Variants in WDR26 observed in about 807,000 individuals in gnomAD.
WDR26 encodes the protein WD repeat-containing protein 26.
WDR26 carries 5 observed loss-of-function variants against 84.1 expected under a neutral mutation model. The ratio of observed to expected loss-of-function variants is 0.06; its 90% CI spans 0.03 to 0.13. The LOEUF is 0.13. Among genes scored for constraint, WDR26 ranks in the 10% least tolerant of loss-of-function variants. The pLI is 1.00. For synonymous variants in WDR26, 415 were observed against 389.6 expected (o/e 1.07, Z -0.77); for missense variants, 642 against 974.9 (o/e 0.66, Z 4.55).
intron 3 of WDR26, chr1:224,430,288 A>ATT (rs1269632189): frequency 6.6e-6 from 1 of 152,138 alleles, no homozygotes; most frequent in East Asian, 1.9e-4. Context: ...AAGTTAACTT[A>ATT]TTACCAATCA....
intron 7 of WDR26, 36 bp from the exon 8 acceptor site, chr1:224,404,606 T>A (rs201524900): frequency 1.1e-5 from 18 of 1,570,452 alleles, no homozygotes; most frequent in Non-Finnish European, 1.6e-5. Context: ...TTAACCCCTA[T>A]CACTAAAGTC....
rs972629906 is a variant in WDR26 at position 224,419,632 on chromosome 1, G to A, written c.1065-17C>T. On this transcript the variant is annotated splice_polypyrimidine_tract_variant and intron_variant, in intron 4 of 13. Coordinates refer to ENST00000414423, the MANE Select transcript of WDR26 (RefSeq NM_001379403.1). ...ATCAGATACCTAAAAATACAACAGAGAAAGCAACCAATATTAAACCCATTT... is the reference window on the plus strand; with the variant it reads ...ATCAGATACCTAAAAATACAACAGAAAAAGCAACCAATATTAAACCCATTT... 3.2e-6 allele frequency: 5 copies of A among 1,585,534 alleles called. No individual in the cohort carries two copies. Among genetic ancestry groups the A allele is most frequent in the African/African-American group, 1.3e-5 (1 of 74,292 alleles).
In WDR26 at chr1:224,434,575, C is replaced by A. The variant is rs1214473474; in HGVS notation, c.-170G>T. The stretch of plus-strand genomic sequence containing the variant: ...AGAAGGAGGATCCGGGCCCTTTCCC[C>A]CCCCCCTCCCGGAGGCAGCTCGGGG... On this transcript the variant is annotated 5_prime_UTR_variant, in exon 1 of 14. Coordinates refer to ENST00000414423, the MANE Select transcript of WDR26 (RefSeq NM_001379403.1). 2.1e-6 allele frequency: 1 copy of A among 471,184 alleles called. No individual in the cohort carries two copies. Among genetic ancestry groups the A allele is most frequent in the Non-Finnish European group, 2.8e-6 (1 of 363,518 alleles). The allele number at this position is 471,184 out of a possible 1,614,324, so 29.2% of individuals were successfully genotyped here.
intron 8 of WDR26, 77 bp downstream of exon 8, chr1:224,404,353 T>C: frequency 6.7e-7 from 1 of 1,493,476 alleles, no homozygotes; most frequent in Non-Finnish European, 9.0e-7. Flanking sequence ...ATTATATAAA[T>C]CAATAAAGTT....
intron 7 of WDR26, among the ~76,000 whole-genome samples, chr1:224,409,042 G>A (rs1673659383): frequency 6.6e-6 from 1 of 152,094 alleles, no homozygotes; most frequent in Non-Finnish European, 1.5e-5. Context: ...GGGTATATTA[G>A]TAATTACACA....
intron 12 of WDR26, among the ~76,000 whole-genome samples, chr1:224,395,307 G>A (rs1371710428): frequency 6.6e-6 from 1 of 152,160 alleles, no homozygotes; most frequent in Admixed American, 6.5e-5. Context: ...TGAACAGAGG[G>A]CAGAATCCCA....
chr1:224,424,461 A>T (rs973212834), intron 4 of WDR26, 57 bp downstream of exon 4: 1 of 1,575,804 alleles, frequency 6.3e-7, no homozygotes, highest in Non-Finnish European at 8.6e-7. Flanking sequence ...GAAAAATGTT[A>T]AAGAAATATA....
intron 7 of WDR26, 132 bp from the exon 8 acceptor site, chr1:224,404,702 T>G: frequency 9.3e-7 from 1 of 1,075,708 alleles, no homozygotes; most frequent in South Asian, 1.7e-5. Context: ...CAATTTTCCC[T>G]TTAACAGCTT....
intron 9 of WDR26, 79 bp downstream of exon 9, chr1:224,400,871 G>A (rs1177361930): frequency 1.8e-5 from 28 of 1,560,480 alleles, no homozygotes; most frequent in East Asian, 6.8e-5. Flanking sequence ...GTAAGATACT[G>A]AGTCAAGGAA....
chr1:224,419,399 T>A, intron 5 of WDR26, 119 bp downstream of exon 5: 1 of 783,346 alleles, frequency 1.3e-6, no homozygotes, highest in Non-Finnish European at 2.1e-6. Flanking sequence ...GGATTCTCCC[T>A]CTTCTAAGCA....
At chr1:224,431,862 C>A in intron 1 of WDR26, 81 bp from the exon 2 acceptor site, 1 of 1,158,548 alleles carries the variant, frequency 8.6e-7, no homozygotes. Context: ...TCCATGAAAA[C>A]AGATGCAAAG....
At position 224,418,291 on chromosome 1, in the gene WDR26, C is replaced by A; in HGVS notation, c.1288G>T (p.Val430Leu). The change falls in exon 6 of 14, where the codon GTG (valine) becomes TTG (leucine). Residue 430 changes from valine to leucine, a missense_variant. Around this residue, in one of 2 missense-constraint regions of WDR26, gnomAD observed 351 missense variants for 672.8 expected, o/e 0.52. Coordinates refer to ENST00000414423, the MANE Select transcript of WDR26 (RefSeq NM_001379403.1). ...CAAACATGGTCTATAAGCAGAGACA[C>A]AGAATCTAGATTATTATCAAGTTTG... is the stretch of plus-strand genomic sequence containing the variant. 6.2e-7 allele frequency: 1 copy of A among 1,612,512 alleles called. No homozygotes were observed. Among genetic ancestry groups the A allele is most frequent in the Non-Finnish European group, 8.5e-7 (1 of 1,179,374 alleles).
chr1:224,395,778 G>A (rs1673244013), intron 12 of WDR26, among the ~76,000 whole-genome samples: 1 of 152,132 alleles, frequency 6.6e-6, no homozygotes, highest in African/African-American at 2.4e-5. Flanking sequence ...GTGAAAGGCA[G>A]GAAAAACCGG....
At chr1:224,400,592 C>A (rs1397558228) in intron 9 of WDR26, among the ~76,000 whole-genome samples, 1 of 152,174 alleles carries the variant, frequency 6.6e-6, no homozygotes, top group Non-Finnish European at 1.5e-5. Context: ...GTTGCCCAGG[C>A]TGGAGTGCAA....
intron 13 of WDR26, 103 bp downstream of exon 13, chr1:224,393,725 T>C (rs1673185542): frequency 2.1e-6 from 2 of 974,638 alleles, no homozygotes; most frequent in Non-Finnish European, 2.9e-6. Context: ...AGAAATCATA[T>C]ACCACACTTT....
intron 6 of WDR26, among the ~76,000 whole-genome samples, chr1:224,414,867 A>C (rs10916614): frequency 0.69 from 104,508 of 151,948 alleles, 38,387 homozygotes; most frequent in East Asian, 0.99. Flanking sequence ...CAAAGCAAAA[A>C]AGTTTTTTTT....
chr1:224,434,293 C>G lies in WDR26; in HGVS notation c.113G>C (p.Gly38Ala). Reference sequence around the variant, plus strand: ...TGCCGAAGCCCCGGGCTCTCCTACTCCCTCCGCCGCCGAGGCTCGGGGTTT... The same window carrying G: ...TGCCGAAGCCCCGGGCTCTCCTACTGCCTCCGCCGCCGAGGCTCGGGGTTT... The change falls in exon 1 of 14, where the codon GGA (glycine) becomes GCA (alanine). Residue 38 changes from glycine to alanine, a missense_variant. Coordinates refer to ENST00000414423, the MANE Select transcript of WDR26 (RefSeq NM_001379403.1). 8.1e-7 allele frequency: 1 copy of G among 1,237,776 alleles called. No individual in the cohort carries two copies. Among genetic ancestry groups the G allele is most frequent in the Non-Finnish European group, 1.0e-6 (1 of 991,326 alleles). The allele number at this position is 1,237,776 out of a possible 1,614,324, so 76.7% of individuals were successfully genotyped here. A position where few individuals can be genotyped will look rare whatever the true frequency, so the allele number is the denominator to read the frequency against.
chr1:224,425,744 A>G (rs1391921866), intron 3 of WDR26, among the ~76,000 whole-genome samples: 1 of 152,236 alleles, frequency 6.6e-6, no homozygotes, highest in Non-Finnish European at 1.5e-5. Flanking sequence ...AAACAGAGAC[A>G]TCAGTAGGTA....
chr1:224,433,529 G>A (rs543600747), intron 1 of WDR26, among the ~76,000 whole-genome samples, 155 bp downstream of exon 1: 6 of 151,892 alleles, frequency 4.0e-5, no homozygotes, highest in Non-Finnish European at 5.9e-5. Flanking sequence ...GCCCTGAGCC[G>A]CGTCCTCCTG....
Sources: allele counts gnomAD v4.1 joint callset (sites outside exome capture counted in the v4.1 genomes callset), GRCh38; gene constraint gnomAD v4.1.1; regional missense constraint gnomAD v4.1.1; transcripts MANE v1.5; gene names NCBI Gene and HGNC (gene_info 2026-07-23, HGNC 2026-07-21).